PLEKHB2: variants seen among roughly 807,000 people sequenced by gnomAD.
PLEKHB2 encodes the protein pleckstrin homology domain-containing family B member 2.
PLEKHB2 carries 31 observed loss-of-function variants against 36.5 expected under a neutral mutation model. That is an observed-to-expected ratio of 0.85 (90% CI 0.64 to 1.15). PLEKHB2 has a LOEUF of 1.15. Among genes scored for constraint, PLEKHB2 ranks in the 50% most tolerant of loss-of-function variants. The pLI is 0.00. For synonymous variants in PLEKHB2, 119 were observed against 112.0 expected (o/e 1.06, Z -0.39); for missense variants, 262 against 295.3 (o/e 0.89, Z 0.83).
At chr2:131,116,853 C>T (rs564270940) in intron 1 of PLEKHB2, among the ~76,000 whole-genome samples, 16 of 152,328 alleles carry the variant, frequency 1.1e-4, no homozygotes, top group African/African-American at 3.4e-4. Flanking sequence ...CGGCCAGGCA[C>T]AGTGGCTCAT....
chr2:131,121,512 G>A (rs563810422), intron 2 of PLEKHB2, among the ~76,000 whole-genome samples: 1 of 152,274 alleles, frequency 6.6e-6, no homozygotes, highest in South Asian at 2.1e-4. Flanking sequence ...TTCCCAAAGT[G>A]TTGGGATTAC....
intron 7 of PLEKHB2, chr2:131,144,373 T>TC (rs1699080491): frequency 8.6e-7 from 1 of 1,167,160 alleles, no homozygotes. Context: ...TTGAGTTGGC[T>TC]CCTTTGGTTG....
At position 131,126,415 on chromosome 2, in the gene PLEKHB2, T is replaced by C. The variant is rs571491462; in HGVS notation, c.191-269T>C. 2.6e-5 allele frequency among the ~76,000 whole-genome samples: 4 copies of C among 152,270 alleles called. No homozygotes were observed. In the East Asian group the frequency reaches 7.7e-4, roughly 29 times the overall value. ...TGGTGGCAGGTGCCTGTAATCTGGC[T>C]ACTCAGGAGGCTGAGGTAGAGAATT... On this transcript the variant is annotated intron_variant, in intron 3 of 7. Transcript: ENST00000693505.
intron 7 of PLEKHB2, among the ~76,000 whole-genome samples, chr2:131,143,803 T>C (rs1415539376): frequency 6.6e-6 from 1 of 152,208 alleles, no homozygotes; most frequent in Non-Finnish European, 1.5e-5. Flanking sequence ...TTTCTCAGCT[T>C]CCAGCCCACA....
chr2:131,138,665 A>G (rs527667453), intron 6 of PLEKHB2, among the ~76,000 whole-genome samples: 1 of 152,206 alleles, frequency 6.6e-6, no homozygotes, highest in East Asian at 1.9e-4. Context: ...CACTGAGCCC[A>G]CCCTGTCTGA....
At chr2:131,113,401 A>G (rs910591656) in intron 1 of PLEKHB2, among the ~76,000 whole-genome samples, 8 of 152,318 alleles carry the variant, frequency 5.3e-5, no homozygotes, top group African/African-American at 1.9e-4. Flanking sequence ...CTTGCTTGGT[A>G]TGTGGGGAGA....
At chr2:131,138,881 G>A (rs1266451517) in intron 6 of PLEKHB2, among the ~76,000 whole-genome samples, 1 of 152,162 alleles carries the variant, frequency 6.6e-6, no homozygotes, top group Non-Finnish European at 1.5e-5. Flanking sequence ...CAGCAGGATG[G>A]GGGTGTTTTG....
intron 1 of PLEKHB2, among the ~76,000 whole-genome samples, chr2:131,116,512 C>CCTCAGA (rs1442438519): frequency 5.9e-5 from 9 of 152,176 alleles, no homozygotes; most frequent in African/African-American, 2.2e-4. Context: ...AGCTTACAAT[C>CCTCAGA]ATGGCAGAAG....
At chr2:131,144,361 C>CT in intron 7 of PLEKHB2, 1 of 1,047,346 alleles carries the variant, frequency 9.5e-7, no homozygotes, top group Non-Finnish European at 1.2e-6. Flanking sequence ...GAGGTGTTTG[C>CT]TTTGAGTTGG....
chr2:131,118,977 G>A (rs773042346), intron 1 of PLEKHB2: 2 of 148,984 alleles, frequency 1.3e-5, no homozygotes, highest in African/African-American at 2.5e-5. Context: ...AAAATGGCCT[G>A]GGTGCGGTGG....
chr2:131,126,841 C>G (rs1697153311), intron 4 of PLEKHB2, 55 bp downstream of exon 4: 1 of 1,016,892 alleles, frequency 9.8e-7, no homozygotes, highest in Non-Finnish European at 1.5e-6. Context: ...ATTTTAACTT[C>G]TGATTACCAA....
chr2:131,141,084 A>G (rs1357165734), intron 7 of PLEKHB2, among the ~76,000 whole-genome samples: 5 of 152,190 alleles, frequency 3.3e-5, no homozygotes. Context: ...AGCTGGTACC[A>G]GAAACGTGGG....
At chr2:131,106,406 C>T (rs930976934) in intron 1 of PLEKHB2, among the ~76,000 whole-genome samples, 4 of 152,098 alleles carry the variant, frequency 2.6e-5, no homozygotes, top group African/African-American at 9.7e-5. Context: ...CAGGAAGTGA[C>T]TTGTCCGAAG....
intron 2 of PLEKHB2, among the ~76,000 whole-genome samples, chr2:131,122,304 A>G (rs1316154234): frequency 1.3e-5 from 2 of 152,210 alleles, no homozygotes; most frequent in Non-Finnish European, 2.9e-5. Context: ...AGTGAAGTTA[A>G]GGGAAAAGTG....
In PLEKHB2 at chr2:131,146,880, C is replaced by T. The variant is rs762902813; in HGVS notation, c.*107C>T. On this transcript the variant is annotated 3_prime_UTR_variant, in exon 8 of 8. Coordinates refer to ENST00000693505, the MANE Select transcript of PLEKHB2 (RefSeq NM_001100623.2). The stretch of plus-strand genomic sequence containing the variant: ...AAAAGTTTTTAATAATAGTTTTAAT[C>T]ATTCCTTTGAAAGTAGTGATGTCAT... 2.1e-6 allele frequency: 2 copies of T among 954,716 alleles called. No individual in the cohort carries two copies. Among genetic ancestry groups the T allele is most frequent in the Non-Finnish European group, 3.1e-6 (2 of 641,388 alleles). 59.1% of individuals were successfully genotyped at this position (954,716 alleles called of 1,614,324 possible). A position where few individuals can be genotyped will look rare whatever the true frequency, so the allele number is the denominator to read the frequency against.
At chr2:131,110,319 T>G (rs1476402376) in intron 1 of PLEKHB2, among the ~76,000 whole-genome samples, 1 of 147,062 alleles carries the variant, frequency 6.8e-6, no homozygotes, top group Non-Finnish European at 1.5e-5. Flanking sequence ...TCTGGACTGT[T>G]TTTTTTTTTT....
At chr2:131,125,321 A>G (rs1054932681) in intron 2 of PLEKHB2, among the ~76,000 whole-genome samples, 2 of 152,202 alleles carry the variant, frequency 1.3e-5, no homozygotes, top group African/African-American at 4.8e-5. Context: ...GGAACTTCTA[A>G]GTTGGTTGGC....
At chr2:131,122,445 T>C (rs1696614629) in intron 2 of PLEKHB2, among the ~76,000 whole-genome samples, 1 of 152,246 alleles carries the variant, frequency 6.6e-6, no homozygotes, top group Non-Finnish European at 1.5e-5. Context: ...CCAGTAAGAA[T>C]TGATGGCATA....
chr2:131,134,821 C>G (rs1041768234), intron 6 of PLEKHB2, among the ~76,000 whole-genome samples: 1 of 152,216 alleles, frequency 6.6e-6, no homozygotes, highest in Admixed American at 6.5e-5. Context: ...GTAATGACAT[C>G]TTTATTGAAT....
Sources: gnomAD v4.1 joint callset for allele counts (sites outside exome capture counted in the v4.1 genomes callset) on GRCh38, gnomAD v4.1.1 for gene constraint, MANE v1.5 for transcripts, NCBI Gene and HGNC (gene_info 2026-07-23, HGNC 2026-07-21) for gene names.